IFRD2: variants seen among roughly 807,000 people sequenced by gnomAD.
IFRD2 encodes interferon related developmental regulator 2.
IFRD2 carries 35 observed loss-of-function variants against 49.2 expected under a neutral mutation model. That is an observed-to-expected ratio of 0.71 (90% CI 0.54 to 0.94). IFRD2 has a LOEUF of 0.94. Among genes scored for constraint, IFRD2 ranks in the 40% least tolerant of loss-of-function variants. The pLI, the probability that IFRD2 is intolerant of heterozygous loss-of-function variation, is 0.00. For missense variants in IFRD2, 561 were observed against 591.6 expected (o/e 0.95, Z 0.54); for synonymous variants, 275 against 239.7 (o/e 1.15, Z -1.36).
Position 50,292,229 on chromosome 3 carries a change from G to A in IFRD2, c.46C>T (p.Arg16Cys), listed in dbSNP as rs1296720647. Residue 16 changes from arginine to cysteine, a missense_variant, in exon 1 of 12, where the codon CGC becomes TGC. Physicochemically the swap from Arg to Cys is radical, Grantham distance 180. Coordinates refer to ENST00000417626, the MANE Select transcript of IFRD2 (RefSeq NM_006764.5). ...CCACCCCACTCACCTCCTCCACGGC[G>A]CTGACCACCCTTCCGGAGCGTGTTG... ...KGNTLRKGGQ[R>C]RGGGARSSAQ... 3.3e-6 allele frequency: 5 copies of A among 1,495,402 alleles called. No individual in the cohort carries two copies. The highest frequency in any genetic ancestry group is 4.4e-6 in the Non-Finnish European group (5 of 1,125,454). The allele number at this position is 1,495,402 out of a possible 1,614,324, so 92.6% of individuals were successfully genotyped here. A position where few individuals can be genotyped will look rare whatever the true frequency, so the allele number is the denominator to read the frequency against.
Position 50,289,622 on chromosome 3 carries a change from C to A in IFRD2, c.604G>T (p.Val202Phe), listed in dbSNP as rs782724490. ...YVAAADIQDL[V>F]SCLACLESVF... ...CTTTCTAAGCAGGCAAGGCAAGAGA[C>A]CAGGTCCTAGGAGCACAGAGAGGCA... is the stretch of plus-strand genomic sequence containing the variant. Residue 202 changes from valine to phenylalanine, a missense_variant, in exon 7 of 12, where the codon GTC becomes TTC. Val to Phe is a conservative substitution (Grantham distance 50). Coordinates refer to ENST00000417626, the MANE Select transcript of IFRD2 (RefSeq NM_006764.5). 6.3e-7 allele frequency: 1 copy of A among 1,598,456 alleles called. No homozygotes were observed. Among genetic ancestry groups the A allele is most frequent in the African/African-American group, 1.3e-5 (1 of 74,674 alleles).
chr3:50,289,044 G>A (rs1701617175), intron 8 of IFRD2, 107 bp from the exon 9 acceptor site: 42 of 1,466,700 alleles, frequency 2.9e-5, no homozygotes, highest in Non-Finnish European at 3.9e-5. Flanking sequence ...TCTCTTCTCT[G>A]CCTGGCCCCT....
Position 50,288,023 on chromosome 3 carries a change from C to T in IFRD2, c.*168G>A. The T allele has an allele frequency of 3.2e-6, 2 of 633,470 alleles. No individual in the cohort carries two copies. Among genetic ancestry groups the T allele is most frequent in the East Asian group, 2.8e-5 (1 of 36,070 alleles). 39.2% of individuals were successfully genotyped at this position (633,470 alleles called of 1,614,324 possible). On this transcript the variant is annotated 3_prime_UTR_variant, in exon 12 of 12. Transcript: ENST00000417626. Reference sequence around the variant, plus strand: ...GGGCTGAGTGCAGGGACAAAGGGGTCAGGGTCCCAAGTGTCCGGGCCCCCA... The same window carrying T: ...GGGCTGAGTGCAGGGACAAAGGGGTTAGGGTCCCAAGTGTCCGGGCCCCCA...
Position 50,290,246 on chromosome 3 carries a change from C to G in IFRD2, c.312G>C (p.Ala104=). ...GCAAGAAGTCGGGGAGTAGGCGGGACGCTAGGGCCAGGCGCAGGCTCTCAA... is the reference window on the plus strand; with the variant it reads ...GCAAGAAGTCGGGGAGTAGGCGGGAGGCTAGGGCCAGGCGCAGGCTCTCAA... ...GALESLRLAL[A]SRLLPDFLLE... The change falls in exon 4 of 12, where the codon GCG becomes GCC. Residue 104 remains alanine (A), a synonymous_variant. Transcript: ENST00000417626. 1.2e-6 allele frequency: 2 copies of G among 1,613,140 alleles called. No homozygotes were observed. The highest frequency in any genetic ancestry group is 1.7e-6 in the Non-Finnish European group (2 of 1,179,598).
At chr3:50,289,230 C>T (rs782393937) in intron 8 of IFRD2, 25 bp downstream of exon 8, 2 of 1,542,590 alleles carry the variant, frequency 1.3e-6, no homozygotes, top group South Asian at 2.4e-5. Context: ...TGTCACCAAG[C>T]ACCCCCCATC....
intron 1 of IFRD2, among the ~76,000 whole-genome samples, chr3:50,291,007 C>CTTT (rs11306616): frequency 4.2e-5 from 4 of 94,396 alleles, no homozygotes; most frequent in South Asian, 3.1e-4. Flanking sequence ...TCCCCGCCAC[C>CTTT]TTTTTTTTTT....
Position 50,289,529 on chromosome 3 carries a change from CGT to C in IFRD2, c.695_696del (p.His232ArgfsTer19). ...STSPVVPASL[H>X]GLLSAALQAW... is the part of the protein sequence containing the mutation. ...GCCTGCAGGGCAGCAGAGAGCAGGCCGTGCAGGCTGGCAGGAACCACAGGACT... is the reference window on the plus strand; with the variant it reads ...GCCTGCAGGGCAGCAGAGAGCAGGCCGCAGGCTGGCAGGAACCACAGGACT... On this transcript the variant is annotated frameshift_variant, in exon 7 of 12. Transcript: ENST00000417626. LOFTEE classifies it high-confidence loss of function. The C allele has an allele frequency of 6.3e-7, 1 of 1,582,122 alleles. No homozygotes were observed.
At chr3:50,290,823 G>T (rs782088796) in intron 1 of IFRD2, 144 bp from the exon 2 acceptor site, 1 of 1,084,392 alleles carries the variant, frequency 9.2e-7, no homozygotes, top group Non-Finnish European at 1.3e-6. Flanking sequence ...AGTTCAGTAG[G>T]GCTGGTGCAC....
chr3:50,290,555 C>T lies in IFRD2; in HGVS notation c.178+5G>A. The stretch of plus-strand genomic sequence containing the variant: ...AGCCCCTGTCAAACTTCCACCCGCT[C>T]TCACCAAGGCTGTCCTCTGCAGTGG... On this transcript the variant is annotated splice_donor_5th_base_variant and intron_variant, in intron 2 of 11. Transcript: ENST00000417626. The T allele has an allele frequency of 6.2e-7, 1 of 1,613,786 alleles. No homozygotes were observed. The highest frequency in any genetic ancestry group is 1.3e-5 in the African/African-American group (1 of 75,070).
At chr3:50,291,850 A>G (rs769332482) in intron 1 of IFRD2, 44 of 227,906 alleles carry the variant, frequency 1.9e-4, no homozygotes, top group Non-Finnish European at 3.4e-4. Context: ...TCTTCACCGG[A>G]GCAGGCCAGG....
rs1553709122 is a variant in IFRD2 at position 50,288,899 on chromosome 3, A to G, written c.924T>C (p.Ser308=). The G allele has an allele frequency of 6.2e-7, 1 of 1,613,346 alleles. No individual in the cohort carries two copies. The highest frequency in any genetic ancestry group is 8.5e-7 in the Non-Finnish European group (1 of 1,179,596). ...FVYEDMEALC[S]VLRTLATDSN... is the part of the protein sequence containing the mutation. ...TGTCAGTGGCCAGAGTGCGCAGGAC[A>G]CTGCAGAGGGCCTCCATGTCCTCGT... Residue 308 remains serine, a synonymous_variant, in exon 9 of 12, where the codon AGT becomes AGC. Transcript: ENST00000417626.
At chr3:50,290,496 CGCTTCTTG>C (rs782172135) in intron 2 of IFRD2, 24 bp from the exon 3 acceptor site, 6 of 1,589,884 alleles carry the variant, frequency 3.8e-6, no homozygotes, top group Non-Finnish European at 4.3e-6. Flanking sequence ...TGGTCAGCAC[CGCTTCTTG>C]TCCTCAGCCC....
rs200626633 is a variant in IFRD2 at position 50,290,450 on chromosome 3, C to T, written c.201G>A (p.Gln67=). 1.8e-4 allele frequency: 282 copies of T among 1,578,008 alleles called. No individual in the cohort carries two copies. The highest frequency in any genetic ancestry group is 2.2e-4 in the Non-Finnish European group (251 of 1,160,868). The change falls in exon 3 of 12, where the codon CAG becomes CAA. Residue 67 remains glutamine (Q), a synonymous_variant. Transcript: ENST00000417626. ...DSLGGDVVDE[Q]GQQEDLEEKL... The stretch of plus-strand genomic sequence containing the variant: ...TTTCCTCAAGGTCTTCCTGCTGGCC[C>T]TGCTCATCCACGACATCCCCCCCTG...
intron 1 of IFRD2, among the ~76,000 whole-genome samples, chr3:50,291,560 C>A (rs1301218566): frequency 1.3e-5 from 2 of 152,176 alleles, no homozygotes; most frequent in Non-Finnish European, 2.9e-5. Context: ...ATGGTGGTGA[C>A]CAGTTTAAAG....
Position 50,288,875 on chromosome 3 carries a change from G to T in IFRD2, c.948C>A (p.Asp316Glu), listed in dbSNP as rs782272122. ...LCSVLRTLATDSNKYRAKADR... is the reference protein window; with the variant it reads ...LCSVLRTLATESNKYRAKADR... The stretch of plus-strand genomic sequence containing the variant: ...CAGCCTTGGCACGGTACTTGTTACT[G>T]TCAGTGGCCAGAGTGCGCAGGACAC... The change falls in exon 9 of 12, where the codon GAC becomes GAA. Residue 316 changes from aspartate (D) to glutamate (E), a missense_variant. Asp to Glu is a conservative substitution (Grantham distance 45, BLOSUM62 2). Transcript: ENST00000417626. The T allele has an allele frequency of 6.2e-7, 1 of 1,613,596 alleles. No homozygotes were observed. The highest frequency in any genetic ancestry group is 8.5e-7 in the Non-Finnish European group (1 of 1,179,714).
chr3:50,292,155 G>A, intron 1 of IFRD2, 62 bp downstream of exon 1: 1 of 1,419,326 alleles, frequency 7.0e-7, no homozygotes, highest in Non-Finnish European at 9.2e-7. Context: ...ACAACCAAGG[G>A]GATCCAGCAG....
Position 50,290,630 on chromosome 3 carries a change from T to TGCGG in IFRD2, c.107_108insCCGC (p.Ala37ArgfsTer4). 2 of 1,613,980 alleles carry TGCGG rather than the reference T, an allele frequency of 1.2e-6. No individual in the cohort carries two copies. Among genetic ancestry groups the TGCGG allele is most frequent in the Middle Eastern group, 1.6e-4 (1 of 6,062 alleles). On this transcript the variant is annotated frameshift_variant, in exon 2 of 12. Coordinates refer to ENST00000417626, the MANE Select transcript of IFRD2 (RefSeq NM_006764.5). LOFTEE classifies it high-confidence loss of function. ...TGGCGGTGCTGCGGGCCTCACTGGC[T>TGCGG]GCCTCATCGTCACTGGAACCCGAGT...
Position 50,288,169 on chromosome 3 carries a change from C to T in IFRD2, c.*22G>A, listed in dbSNP as rs781963978. ...AATACGGACCAAGGGCATAGAAAGTCTCCTCTTCAGCAGGTCCTGCTTCAC... is the reference window on the plus strand; with the variant it reads ...AATACGGACCAAGGGCATAGAAAGTTTCCTCTTCAGCAGGTCCTGCTTCAC... On this transcript the variant is annotated 3_prime_UTR_variant, in exon 12 of 12. Coordinates refer to ENST00000417626, the MANE Select transcript of IFRD2 (RefSeq NM_006764.5). 27 of 1,598,000 alleles carry T rather than the reference C, an allele frequency of 1.7e-5. No homozygotes were observed. The South Asian group carries it at 2.8e-4, about 16-fold the overall frequency.
Position 50,290,019 on chromosome 3 carries a change from T to C in IFRD2, c.456A>G (p.Gly152=), listed in dbSNP as rs1286799002. The C allele has an allele frequency of 6.2e-7, 1 of 1,613,320 alleles. No individual in the cohort carries two copies. Among genetic ancestry groups the C allele is most frequent in the Non-Finnish European group, 8.5e-7 (1 of 1,179,726 alleles). ...LGLLCVQLGP[G]PKGEELFHSL... ...TGTGAAACAGCTCCTCACCCTTAGG[T>C]CCAGGGCCCAGCTGCACGCAGAGCA... Residue 152 remains glycine (G), a synonymous_variant, in exon 5 of 12, where the codon GGA becomes GGG. Transcript: ENST00000417626.
Sources: gnomAD v4.1 joint callset for allele counts (sites outside exome capture counted in the v4.1 genomes callset) on GRCh38, gnomAD v4.1.1 for gene constraint, MANE v1.5 for transcripts, NCBI Gene and HGNC (gene_info 2026-07-23, HGNC 2026-07-21) for gene names.